The following PHACTR2 variants were observed in gnomAD, a reference collection of about 807,000 sequenced individuals.
PHACTR2 encodes the protein phosphatase and actin regulator 2.
In PHACTR2, 30 loss-of-function variants were observed where a neutral mutation model predicts 76.0. The observed-to-expected ratio is 0.39, with a 90% CI of 0.30 to 0.54. The LOEUF (loss-of-function observed/expected upper bound fraction) is 0.54, where lower values mean the gene tolerates loss of function less well. Ranked by LOEUF, PHACTR2 falls within the 20% of genes least tolerant of loss-of-function variation. The pLI is 0.61. For missense variants in PHACTR2, 696 were observed against 781.1 expected (o/e 0.89, Z 1.30); for synonymous variants, 292 against 292.5 (o/e 1.00, Z 0.02).
Position 143,742,857 on chromosome 6 carries a change from C to T in PHACTR2, c.215-6128C>T, listed in dbSNP as rs1395411225. 1.3e-5 allele frequency among the ~76,000 whole-genome samples: 2 copies of T among 152,278 alleles called. No homozygotes were observed. Among genetic ancestry groups the T allele is most frequent in the East Asian group, 1.9e-4 (1 of 5,190 alleles). On this transcript the variant is annotated intron_variant, in intron 2 of 12. Coordinates refer to ENST00000440869, the MANE Select transcript of PHACTR2 (RefSeq NM_001100164.2). The surrounding 1 kb of genome is among the most constrained non-coding windows in gnomAD (Gnocchi z 4.5). ...GACTAGAATCATGTGATTATGCAAT[C>T]GCATACACATGAATTTAGTAATGAA...
rs1490066769 is a variant in PHACTR2 at position 143,765,145 on chromosome 6, A to G, written c.695-116A>G. On this transcript the variant is annotated intron_variant, in intron 5 of 12. Transcript: ENST00000440869. The surrounding 1 kb of genome is among the most constrained non-coding windows in gnomAD (Gnocchi z 4.1). ...TTAGCCTATTTTCTCTTATACATTT[A>G]TTCAACAAACTTTAAAGGGAACATT... 5 of 803,884 alleles carry G rather than the reference A, an allele frequency of 6.2e-6. No individual in the cohort carries two copies. The East Asian group carries it at 1.0e-4, about 16-fold the overall frequency. 49.8% of individuals were successfully genotyped at this position (803,884 alleles called of 1,614,324 possible). A position where few individuals can be genotyped will look rare whatever the true frequency, so the allele number is the denominator to read the frequency against.
rs1346209291 is a variant in PHACTR2, at chr6:143,794,658, G to C, written c.1845+5748G>C. Among the ~76,000 whole-genome samples, 1 of 152,082 alleles carries C rather than the reference G, an allele frequency of 6.6e-6. No homozygotes were observed. Among genetic ancestry groups the C allele is most frequent in the African/African-American group, 2.4e-5 (1 of 41,406 alleles). ...AAAATACAAAAATTAGCTGTGCATG[G>C]TGGCTCCTGCCTGTAGTCCCAGCTG... On this transcript the variant is annotated intron_variant, in intron 11 of 12. Coordinates refer to ENST00000440869, the MANE Select transcript of PHACTR2 (RefSeq NM_001100164.2). The surrounding 1 kb of genome is among the most constrained non-coding windows in gnomAD (Gnocchi z 4.1).
At chr6:143,711,926 T>C in intron 1 of PHACTR2, 90 bp from the exon 2 acceptor site, 1 of 1,112,016 alleles carries the variant, frequency 9.0e-7, no homozygotes, top group East Asian at 2.3e-5. Flanking sequence ...TGGACGTGCT[T>C]ACCGTTAACA....
rs1270352540 is a variant in PHACTR2 at position 143,549,260 on chromosome 6, T to A, written c.217+12053T>A. Among the ~76,000 whole-genome samples, 3 of 152,118 alleles carry A rather than the reference T, an allele frequency of 2.0e-5. No homozygotes were observed. The East Asian group carries it at 5.8e-4, about 29-fold the overall frequency. On this transcript the variant is annotated intron_variant, in intron 1 of 11. Transcript: ENST00000367584. This position sits in a 1 kb window ranked among gnomAD's most constrained non-coding sequence, Gnocchi z 4.2. ...GATCAGGCCTAGGTCTCTTCCCAAA[T>A]GGAACAATATGGTAGTGAGGCCAGT... is the stretch of plus-strand genomic sequence containing the variant.
At chr6:143,686,155 T>G (rs1023460560) in intron 1 of PHACTR2, among the ~76,000 whole-genome samples, 1 of 149,224 alleles carries the variant, frequency 6.7e-6, no homozygotes. Flanking sequence ...AAAGTGCACT[T>G]AGACTACACT....
At chr6:143,720,095 C>T (rs150852240) in intron 2 of PHACTR2, among the ~76,000 whole-genome samples, 5 of 152,108 alleles carry the variant, frequency 3.3e-5, no homozygotes, top group South Asian at 4.1e-4. Context: ...TATAAGTGTG[C>T]GCCACTGTGC....
chr6:143,829,643 C>A lies in PHACTR2; in HGVS notation c.*5954C>A, dbSNP rs2128489265. 1 of 152,282 alleles carries A rather than the reference C, an allele frequency of 6.6e-6. No homozygotes were observed. The highest frequency in any genetic ancestry group is 2.1e-4 in the South Asian group (1 of 4,826). The allele number at this position is 152,282 out of a possible 1,614,324, so 9.4% of individuals were successfully genotyped here. On this transcript the variant is annotated 3_prime_UTR_variant, in exon 13 of 13. Transcript: ENST00000440869. ...TGTACTAACAATACAGAAACATATT[C>A]TCTTTGTCGCTTTTTATCACCAAAA...
At chr6:143,574,876 A>G (rs1775487387) in intron 1 of PHACTR2, among the ~76,000 whole-genome samples, 1 of 152,140 alleles carries the variant, frequency 6.6e-6, no homozygotes, top group Admixed American at 6.6e-5. Context: ...GTAAAACAGC[A>G]ACAACAACAA....
chr6:143,629,849 G>C (rs1052446913), intron 1 of PHACTR2, among the ~76,000 whole-genome samples: 2 of 152,122 alleles, frequency 1.3e-5, no homozygotes, highest in Non-Finnish European at 1.5e-5. Context: ...AGCTTCGTTT[G>C]GAGTGTTCTG....
chr6:143,786,190 A>T (rs1479203430), intron 10 of PHACTR2, among the ~76,000 whole-genome samples: 2 of 152,202 alleles, frequency 1.3e-5, no homozygotes, highest in African/African-American at 4.8e-5. Context: ...CTGCTTAGAA[A>T]TTTCTTCTGC....
In PHACTR2 at chr6:143,547,737, G is replaced by A. The variant is rs1378178724; in HGVS notation, c.217+10530G>A. On this transcript the variant is annotated intron_variant, in intron 1 of 11. Transcript: ENST00000367584. The surrounding 1 kb of genome is among the most constrained non-coding windows in gnomAD (Gnocchi z 4.2). ...GTTAACAAGAGCAGCCATTAACCGG[G>A]AAGGAGAGTGTGGCTTCATGATACC... is the stretch of plus-strand genomic sequence containing the variant. Among the ~76,000 whole-genome samples the A allele has an allele frequency of 2.0e-5, 3 of 152,182 alleles. No individual in the cohort carries two copies. The highest frequency in any genetic ancestry group is 4.4e-5 in the Non-Finnish European group (3 of 68,032).
chr6:143,767,995 G>A lies in PHACTR2; in HGVS notation c.1232+2197G>A, dbSNP rs7451135. Reference sequence around the variant, plus strand: ...TGGAACTACGGGTGCCTGCCACCACGCCTGGCTAATTTTTGTATTTTTAGT... The same window carrying A: ...TGGAACTACGGGTGCCTGCCACCACACCTGGCTAATTTTTGTATTTTTAGT... On this transcript the variant is annotated intron_variant, in intron 6 of 12. Coordinates refer to ENST00000440869, the MANE Select transcript of PHACTR2 (RefSeq NM_001100164.2). The surrounding 1 kb of genome is among the most constrained non-coding windows in gnomAD (Gnocchi z 4.4). Among the ~76,000 whole-genome samples, 23 of 151,968 alleles carry A rather than the reference G, an allele frequency of 1.5e-4. No homozygotes were observed. Among genetic ancestry groups the A allele is most frequent in the African/African-American group, 5.3e-4 (22 of 41,394 alleles).
chr6:143,584,085 T>C (rs544321323), intron 1 of PHACTR2, among the ~76,000 whole-genome samples: 2 of 152,364 alleles, frequency 1.3e-5, no homozygotes, highest in South Asian at 4.1e-4. Flanking sequence ...TAATACCTCC[T>C]AAGCCAGGAT....
intron 12 of PHACTR2, among the ~76,000 whole-genome samples, chr6:143,812,501 A>G (rs944414524): frequency 2.0e-5 from 3 of 152,148 alleles, no homozygotes; most frequent in African/African-American, 4.8e-5. Flanking sequence ...AATACATTCC[A>G]TGACATATTT....
rs905841626 is a variant in PHACTR2 at position 143,793,127 on chromosome 6, A to G, written c.1845+4217A>G. 1.3e-5 allele frequency among the ~76,000 whole-genome samples: 2 copies of G among 152,248 alleles called. No individual in the cohort carries two copies. Among genetic ancestry groups the G allele is most frequent in the Non-Finnish European group, 2.9e-5 (2 of 68,036 alleles). ...GTAAAGATCACTGCAGTTGCCAAGT[A>G]TGCAAGCAGGGAGAGTCTAAATGAC... On this transcript the variant is annotated intron_variant, in intron 11 of 12. Coordinates refer to ENST00000440869, the MANE Select transcript of PHACTR2 (RefSeq NM_001100164.2). This position sits in a 1 kb window ranked among gnomAD's most constrained non-coding sequence, Gnocchi z 4.4.
At chr6:143,569,269 A>G (rs1219368879) in intron 1 of PHACTR2, among the ~76,000 whole-genome samples, 1 of 152,182 alleles carries the variant, frequency 6.6e-6, no homozygotes, top group East Asian at 1.9e-4. Flanking sequence ...TCTTCACCTC[A>G]TCAACTGAGG....
In PHACTR2 at chr6:143,819,916, G is replaced by T. The variant is rs1389828133; in HGVS notation, c.1923-3758G>T. On this transcript the variant is annotated intron_variant, in intron 12 of 12. Coordinates refer to ENST00000440869, the MANE Select transcript of PHACTR2 (RefSeq NM_001100164.2). The surrounding 1 kb of genome is among the most constrained non-coding windows in gnomAD (Gnocchi z 5.0). ...ACAGGTTTAATTGGCTCACAGTTCT[G>T]CAGGCTGTACAGGAAGCATAGCAGC... Among the ~76,000 whole-genome samples the T allele has an allele frequency of 1.3e-5, 2 of 152,140 alleles. No homozygotes were observed. The highest frequency in any genetic ancestry group is 4.8e-5 in the African/African-American group (2 of 41,444).
rs748198905 is a variant in PHACTR2, at chr6:143,803,320, G to A, written c.1846-3737G>A. On this transcript the variant is annotated intron_variant, in intron 11 of 12. Transcript: ENST00000440869. This position sits in a 1 kb window ranked among gnomAD's most constrained non-coding sequence, Gnocchi z 4.7. ...TCCAGCACTTTGGGAGGCCGAAGTG[G>A]GGAGATTGCTTGAGCCTAGGAGTTT... is the stretch of plus-strand genomic sequence containing the variant. Among the ~76,000 whole-genome samples the A allele has an allele frequency of 2.6e-4, 39 of 152,208 alleles. No individual in the cohort carries two copies. The highest frequency in any genetic ancestry group is 1.2e-3 in the Admixed American group (19 of 15,282).
Position 143,753,828 on chromosome 6 carries a change from G to A in PHACTR2, c.370G>A (p.Glu124Lys). 1 of 1,613,048 alleles carries A rather than the reference G, an allele frequency of 6.2e-7. No homozygotes were observed. The highest frequency in any genetic ancestry group is 1.1e-5 in the South Asian group (1 of 91,002). Residue 124 changes from glutamate to lysine, a missense_variant, in exon 4 of 13, where the codon GAA becomes AAA. Coordinates refer to ENST00000440869, the MANE Select transcript of PHACTR2 (RefSeq NM_001100164.2). The surrounding 1 kb of genome is among the most constrained non-coding windows in gnomAD (Gnocchi z 4.6). ...IPIGEESTRE[E>K]NVVKSEEGNG... The stretch of plus-strand genomic sequence containing the variant: ...CATCGGAGAGGAATCTACCCGAGAG[G>A]AAAATGTAGTAAAGTCTGAAGAAGG...
Sources: gnomAD v4.1 joint callset for allele counts (sites outside exome capture counted in the v4.1 genomes callset) on GRCh38, gnomAD v4.1.1 for gene constraint, Gnocchi (gnomAD v3.1) non-coding constraint, MANE v1.5 for transcripts, NCBI Gene and HGNC (gene_info 2026-07-23, HGNC 2026-07-21) for gene names.